The following ELAC1 variants were observed in gnomAD, a reference collection of about 807,000 sequenced individuals.
The protein encoded by ELAC1 is elaC ribonuclease Z 1, also known as zinc phosphodiesterase ELAC protein 1.
In ELAC1, 19 loss-of-function variants were observed where a neutral mutation model predicts 25.8. That is an observed-to-expected ratio of 0.74 (90% CI 0.51 to 1.08). The LOEUF (loss-of-function observed/expected upper bound fraction) is 1.08. Ranked by LOEUF, ELAC1 falls within the 50% of genes least tolerant of loss-of-function variation. The probability of loss-of-function intolerance (pLI) is 0.00; values close to 1 mark genes in which losing one functional copy is unlikely to be tolerated. For missense variants in ELAC1, 403 were observed against 434.6 expected, an observed-to-expected ratio of 0.93 and a Z score of 0.65; for synonymous variants, 148 against 160.9, an observed-to-expected ratio of 0.92 and a Z score of 0.61.
At chr18:50,972,737 C>T (rs568760239) in intron 1 of ELAC1, among the ~76,000 whole-genome samples, 1 of 152,320 alleles carries the variant, frequency 6.6e-6, no homozygotes, top group Admixed American at 6.5e-5. Context: ...CCCTCCTCAG[C>T]CTCCCAAAGT....
intron 2 of ELAC1, among the ~76,000 whole-genome samples, chr18:50,981,308 A>G (rs558787398): frequency 2.8e-4 from 43 of 152,294 alleles, no homozygotes; most frequent in Non-Finnish European, 5.4e-4. Flanking sequence ...TTCTATGTAC[A>G]TAGATATGGT....
chr18:50,975,210 C>T (rs939148799), intron 2 of ELAC1, among the ~76,000 whole-genome samples: 5 of 152,020 alleles, frequency 3.3e-5, no homozygotes, highest in African/African-American at 9.7e-5. Flanking sequence ...CTTTACTTTC[C>T]CGATCTTGAA....
At position 50,984,171 on chromosome 18, in the gene ELAC1, T is replaced by A; in HGVS notation, c.233T>A (p.Ile78Asn). The A allele has an allele frequency of 1.2e-6, 2 of 1,614,154 alleles. No homozygotes were observed. Among genetic ancestry groups the A allele is most frequent in the Non-Finnish European group, 1.7e-6 (2 of 1,180,018 alleles). ...GGCCTTCCTGGGCTCCTCTGCACAA[T>A]CAGCCTGCAGAGTGGCTCCATGGTG... ...FFGLPGLLCT[I>N]SLQSGSMVSK... Residue 78 changes from isoleucine (I) to asparagine (N), a missense_variant, in exon 3 of 4, where the codon ATC becomes AAC. Physicochemically the swap from Ile to Asn is moderately radical, Grantham distance 149. Transcript: ENST00000269466.
rs1490611942 is a variant in ELAC1 at position 50,974,461 on chromosome 18, G to T, written c.57G>T (p.Arg19=). The part of the protein sequence containing the change: ...GTGAAYPSPT[R]GASAVVLRCE... Reference sequence around the variant, plus strand: ...GTGCAGCATACCCATCTCCAACCCGGGGTGCCTCTGCTGTGGTCCTTCGGT... The same window carrying T: ...GTGCAGCATACCCATCTCCAACCCGTGGTGCCTCTGCTGTGGTCCTTCGGT... The change falls in exon 2 of 4, where the codon CGG becomes CGT. Residue 19 remains arginine, a synonymous_variant. Transcript: ENST00000269466. 6.3e-7 allele frequency: 1 copy of T among 1,598,928 alleles called. No individual in the cohort carries two copies. The highest frequency in any genetic ancestry group is 1.3e-5 in the African/African-American group (1 of 74,156).
Position 50,986,875 on chromosome 18 carries a change from A to G in ELAC1, c.882A>G (p.Pro294=). 1 of 1,614,062 alleles carries G rather than the reference A, an allele frequency of 6.2e-7. No homozygotes were observed. The highest frequency in any genetic ancestry group is 1.1e-5 in the South Asian group (1 of 91,076). ...DKAKEHGHST[P]QMAATFAKLC... The stretch of plus-strand genomic sequence containing the variant: ...CAAAGGAGCATGGCCACAGCACACC[A>G]CAGATGGCAGCAACATTTGCAAAGT... The change falls in exon 4 of 4, where the codon CCA becomes CCG. Residue 294 remains proline (P), a synonymous_variant. Transcript: ENST00000269466.
At position 50,987,332 on chromosome 18, in the gene ELAC1, C is replaced by G. The variant is rs1908141175; in HGVS notation, c.*247C>G. 2.8e-6 allele frequency: 1 copy of G among 359,650 alleles called. No homozygotes were observed. Among genetic ancestry groups the G allele is most frequent in the African/African-American group, 2.1e-5 (1 of 48,094 alleles). The allele number at this position is 359,650 out of a possible 1,614,324, so 22.3% of individuals were successfully genotyped here. On this transcript the variant is annotated 3_prime_UTR_variant, in exon 4 of 4. Transcript: ENST00000269466. ...AGATTTGTCAAAATGATAGACTATT[C>G]AGTTATACATCTTATTTTGTGCTAC...
chr18:50,975,055 CAGG>C (rs1480915716), intron 2 of ELAC1, among the ~76,000 whole-genome samples: 1 of 152,064 alleles, frequency 6.6e-6, no homozygotes, highest in African/African-American at 2.4e-5. Flanking sequence ...GCATTTCAAT[CAGG>C]GGGAATGGAG....
chr18:50,974,942 G>C (rs1490573397), intron 2 of ELAC1, among the ~76,000 whole-genome samples: 1 of 152,202 alleles, frequency 6.6e-6, no homozygotes, highest in Non-Finnish European at 1.5e-5. Context: ...GGAGGAGGGA[G>C]ATGTTGTTTT....
In ELAC1 at chr18:50,971,999, A is replaced by C. The variant is rs1210592459; in HGVS notation, c.-8-2398A>C. On this transcript the variant is annotated intron_variant, in intron 1 of 3. Transcript: ENST00000269466. The stretch of plus-strand genomic sequence containing the variant: ...TTTTGTATTTTGAATGCATTTGCAT[A>C]AACTTTTTTTTTTTAGGAGCATTAA... 2.1e-5 allele frequency among the ~76,000 whole-genome samples: 3 copies of C among 146,178 alleles called. No homozygotes were observed. In the East Asian group the frequency reaches 5.9e-4, roughly 29 times the overall value.
Position 50,987,216 on chromosome 18 carries a change from T to C in ELAC1, c.*131T>C, listed in dbSNP as rs1354222995. On this transcript the variant is annotated 3_prime_UTR_variant, in exon 4 of 4. Coordinates refer to ENST00000269466, the MANE Select transcript of ELAC1 (RefSeq NM_018696.3). ...TAATCCTAAAAAGAATGGAGCTGCATTGATGAATTGGCTCAGTATTTAAAG... is the reference window on the plus strand; with the variant it reads ...TAATCCTAAAAAGAATGGAGCTGCACTGATGAATTGGCTCAGTATTTAAAG... 4 of 614,238 alleles carry C rather than the reference T, an allele frequency of 6.5e-6. No homozygotes were observed. In the East Asian group the frequency reaches 1.2e-4, roughly 18 times the overall value. 38.0% of individuals were successfully genotyped at this position (614,238 alleles called of 1,614,324 possible).
chr18:50,976,601 G>A (rs547551309), intron 2 of ELAC1, among the ~76,000 whole-genome samples: 26 of 152,204 alleles, frequency 1.7e-4, no homozygotes, highest in African/African-American at 6.3e-4. Context: ...GGGGATAATG[G>A]GAGCTACAAT....
chr18:50,983,161 T>TG (rs935133080), intron 2 of ELAC1, among the ~76,000 whole-genome samples: 1 of 126,136 alleles, frequency 7.9e-6, no homozygotes, highest in African/African-American at 3.5e-5. Flanking sequence ...TGGTGTTTTT[T>TG]TTTTTTTTTT....
At chr18:50,969,615 C>A (rs1478076713) in intron 1 of ELAC1, 1 of 152,226 alleles carries the variant, frequency 6.6e-6, no homozygotes, top group East Asian at 1.9e-4. Flanking sequence ...TGATCACTAG[C>A]GGCTGTTAAC....
chr18:50,971,912 G>GTATA (rs66495742), intron 1 of ELAC1, among the ~76,000 whole-genome samples: 1,005 of 76,464 alleles, frequency 0.013, 10 homozygotes, highest in Admixed American at 0.049. Flanking sequence ...GTGTGTGTGT[G>GTATA]TATATATATA....
chr18:50,980,092 T>C (rs1405801966), intron 2 of ELAC1, among the ~76,000 whole-genome samples: 3 of 151,940 alleles, frequency 2.0e-5, no homozygotes, highest in African/African-American at 7.2e-5. Context: ...AATCCCAGCA[T>C]TTTGGGAGGT....
intron 3 of ELAC1, among the ~76,000 whole-genome samples, chr18:50,986,376 T>C (rs554906749): frequency 2.4e-4 from 37 of 152,324 alleles, no homozygotes; most frequent in Middle Eastern, 3.4e-3. Context: ...CTAGTGATAC[T>C]TAGGAGACTA....
chr18:50,979,117 G>A (rs1441311893), intron 2 of ELAC1, among the ~76,000 whole-genome samples: 1 of 152,200 alleles, frequency 6.6e-6, no homozygotes, highest in Non-Finnish European at 1.5e-5. Context: ...TGTTAAGTGT[G>A]AGTACCAGAG....
At chr18:50,977,934 T>C (rs1162642567) in intron 2 of ELAC1, among the ~76,000 whole-genome samples, 4 of 152,198 alleles carry the variant, frequency 2.6e-5, no homozygotes, top group Non-Finnish European at 5.9e-5. Context: ...AAGTTCAAAG[T>C]TCCACAGATC....
At chr18:50,985,898 T>C (rs1908096432) in intron 3 of ELAC1, among the ~76,000 whole-genome samples, 1 of 152,084 alleles carries the variant, frequency 6.6e-6, no homozygotes, top group South Asian at 2.1e-4. Flanking sequence ...AGACTAATAA[T>C]GTACAATTGC....
Sources: allele counts gnomAD v4.1 joint callset (sites outside exome capture counted in the v4.1 genomes callset), GRCh38; gene constraint gnomAD v4.1.1; transcripts MANE v1.5; gene names NCBI Gene and HGNC (gene_info 2026-07-23, HGNC 2026-07-21).